The following AMPH variants were observed in gnomAD, a reference collection of about 807,000 sequenced individuals.
AMPH encodes amphiphysin, also known as amphiphysin (Stiff-Mann syndrome with breast cancer 128kD autoantigen).
In AMPH, 49 loss-of-function variants were observed where a neutral mutation model predicts 99.1. The observed-to-expected ratio is 0.49, with a 90% CI of 0.39 to 0.63. The LOEUF is 0.63. AMPH is among the 20% of genes least tolerant of loss of function. AMPH has a pLI of 0.00. For missense variants in AMPH, 759 were observed against 863.4 expected, an observed-to-expected ratio of 0.88 and a Z score of 1.52; for synonymous variants, 314 against 317.3, an observed-to-expected ratio of 0.99 and a Z score of 0.11.
intron 2 of AMPH, 117 bp downstream of exon 2, chr7:38,534,814 C>T (rs892093400): frequency 2.5e-6 from 2 of 813,062 alleles, no homozygotes; most frequent in Admixed American, 2.5e-5. Flanking sequence ...GTGTTACTCT[C>T]AAGTTAGTGC....
At chr7:38,523,125 A>G (rs10274615) in intron 2 of AMPH, among the ~76,000 whole-genome samples, 104,844 of 148,450 alleles carry the variant, frequency 0.71, 37,288 homozygotes, top group East Asian at 0.8. Flanking sequence ...AAAAAAAAGA[A>G]GGTGGGGGAG....
At chr7:38,630,076 T>C (rs1794402048) in intron 1 of AMPH, among the ~76,000 whole-genome samples, 1 of 152,036 alleles carries the variant, frequency 6.6e-6, no homozygotes, top group African/African-American at 2.4e-5. Flanking sequence ...GAGATTGAGA[T>C]TGGGTCTGAA....
chr7:38,494,162 T>C (rs1489069164), intron 4 of AMPH, among the ~76,000 whole-genome samples: 1 of 152,186 alleles, frequency 6.6e-6, no homozygotes, highest in Non-Finnish European at 1.5e-5. Flanking sequence ...TTTCACTATT[T>C]TGGCCAGGCT....
At chr7:38,529,398 T>C (rs1790310354) in intron 2 of AMPH, among the ~76,000 whole-genome samples, 1 of 152,248 alleles carries the variant, frequency 6.6e-6, no homozygotes, top group African/African-American at 2.4e-5. Flanking sequence ...ATCACTGGCA[T>C]CACTTGGGAA....
At chr7:38,443,156 C>G (rs1362016273) in intron 11 of AMPH, among the ~76,000 whole-genome samples, 2 of 151,942 alleles carry the variant, frequency 1.3e-5, no homozygotes, top group Non-Finnish European at 2.9e-5. Context: ...ACACAAACTA[C>G]AAATACAAAA....
intron 2 of AMPH, among the ~76,000 whole-genome samples, chr7:38,508,199 ACCATTC>A (rs1789403676): frequency 6.6e-6 from 1 of 152,190 alleles, no homozygotes; most frequent in African/African-American, 2.4e-5. Context: ...ATTTAGGGGC[ACCATTC>A]CCATGTACTA....
At position 38,491,193 on chromosome 7, in the gene AMPH, T is replaced by C. The variant is rs1418836045; in HGVS notation, c.301-48A>G. The C allele has an allele frequency of 2.3e-6, 3 of 1,305,524 alleles. No homozygotes were observed. In the South Asian group the frequency reaches 3.9e-5, roughly 17 times the overall value. 80.9% of individuals were successfully genotyped at this position (1,305,524 alleles called of 1,614,324 possible). On this transcript the variant is annotated intron_variant, in intron 4 of 20. Coordinates refer to ENST00000356264, the MANE Select transcript of AMPH (RefSeq NM_001635.4). ...TGCTGAATTATTTTAATTGGATACCTTTCACCAAACTTCTAAAAAAATCTG... is the reference window on the plus strand; with the variant it reads ...TGCTGAATTATTTTAATTGGATACCCTTCACCAAACTTCTAAAAAAATCTG...
chr7:38,517,599 A>G (rs1271722618), intron 2 of AMPH, among the ~76,000 whole-genome samples: 3 of 152,222 alleles, frequency 2.0e-5, no homozygotes, highest in Non-Finnish European at 4.4e-5. Context: ...GGACTAATAC[A>G]GTGATGCACA....
chr7:38,385,021 T>C, intron 20 of AMPH, 96 bp from the exon 21 acceptor site: 2 of 1,141,116 alleles, frequency 1.8e-6, no homozygotes, highest in Admixed American at 3.7e-5. Context: ...AGTGTTGTGG[T>C]TCTGAACCAG....
intron 1 of AMPH, among the ~76,000 whole-genome samples, chr7:38,582,683 T>A (rs2129055747): frequency 1.3e-5 from 2 of 152,278 alleles, no homozygotes; most frequent in Middle Eastern, 6.8e-3. Context: ...TGTAAAGAGG[T>A]CCTGAGATCA....
chr7:38,460,043 T>C (rs1787382032), intron 11 of AMPH, among the ~76,000 whole-genome samples: 2 of 151,924 alleles, frequency 1.3e-5, no homozygotes, highest in Admixed American at 1.3e-4. Flanking sequence ...TAAATAGACA[T>C]TTCTCAAAAG....
At chr7:38,445,392 T>C (rs1414828471) in intron 11 of AMPH, among the ~76,000 whole-genome samples, 1 of 152,116 alleles carries the variant, frequency 6.6e-6, no homozygotes, top group African/African-American at 2.4e-5. Context: ...ACATGAAATA[T>C]ATAATCCAGA....
intron 5 of AMPH, among the ~76,000 whole-genome samples, chr7:38,486,135 C>T (rs1584153947): frequency 7.0e-6 from 1 of 143,462 alleles, no homozygotes; most frequent in African/African-American, 2.6e-5. Flanking sequence ...AGAAAAACAA[C>T]AGGAAAAATC....
At chr7:38,394,279 A>C in intron 17 of AMPH, 65 bp from the exon 18 acceptor site, 11 of 1,547,866 alleles carry the variant, frequency 7.1e-6, no homozygotes, top group Non-Finnish European at 8.9e-6. Flanking sequence ...AGTCAAACTC[A>C]AGCCTATTTC....
chr7:38,593,892 C>T (rs1002375133), intron 1 of AMPH, among the ~76,000 whole-genome samples: 6 of 152,038 alleles, frequency 3.9e-5, no homozygotes, highest in African/African-American at 9.7e-5. Context: ...ACAAAGCTGG[C>T]GGGAGGGTGG....
At chr7:38,528,992 T>C (rs1416495343) in intron 2 of AMPH, among the ~76,000 whole-genome samples, 1 of 152,126 alleles carries the variant, frequency 6.6e-6, no homozygotes, top group Non-Finnish European at 1.5e-5. Flanking sequence ...AGAGTTCTAA[T>C]GCCTTCTATA....
At chr7:38,439,884 C>CG (rs1382509105) in intron 11 of AMPH, among the ~76,000 whole-genome samples, 5 of 152,142 alleles carry the variant, frequency 3.3e-5, no homozygotes, top group African/African-American at 1.2e-4. Flanking sequence ...TGAGCATAAT[C>CG]GGCATGCCTA....
At chr7:38,579,162 A>T (rs1405076450) in intron 1 of AMPH, among the ~76,000 whole-genome samples, 1 of 152,176 alleles carries the variant, frequency 6.6e-6, no homozygotes, top group Non-Finnish European at 1.5e-5. Context: ...AAGACCACAA[A>T]ACACCCAGAA....
intron 2 of AMPH, among the ~76,000 whole-genome samples, chr7:38,521,055 AC>A (rs1789938529): frequency 1.3e-5 from 2 of 152,228 alleles, no homozygotes; most frequent in Admixed American, 1.3e-4. Context: ...AAGATTTAGT[AC>A]TATGAATGTG....
Sources: allele counts gnomAD v4.1 joint callset (sites outside exome capture counted in the v4.1 genomes callset), GRCh38; gene constraint gnomAD v4.1.1; transcripts MANE v1.5; gene names NCBI Gene and HGNC (gene_info 2026-07-23, HGNC 2026-07-21).